The following TRARG1 variants were observed in gnomAD, a reference collection of about 807,000 sequenced individuals.
TRARG1 encodes trafficking regulator of GLUT4 (SLC2A4) 1 (gene/pseudogene), also known as trafficking regulator of GLUT4 1.
A neutral mutation model predicts 13.3 loss-of-function variants in TRARG1; 16 were observed. The observed-to-expected ratio is 1.20, with a 90% CI of 0.81 to 1.83. TRARG1 has a LOEUF of 1.83. Among genes scored for constraint, TRARG1 ranks in the 40% most tolerant of loss-of-function variants. The pLI, the probability that TRARG1 is intolerant of heterozygous loss-of-function variation, is 0.00. For synonymous variants in TRARG1, 113 were observed against 106.2 expected, an observed-to-expected ratio of 1.06 and a Z score of -0.39; for missense variants, 250 against 237.4, an observed-to-expected ratio of 1.05 and a Z score of -0.35.
chr17:1,288,116 C>G (rs1220630064), intron 1 of TRARG1, among the ~76,000 whole-genome samples: 2 of 151,994 alleles, frequency 1.3e-5, no homozygotes, highest in South Asian at 2.1e-4. Flanking sequence ...CTCTTCCTCT[C>G]CCGTCTGGAA....
intron 1 of TRARG1, among the ~76,000 whole-genome samples, chr17:1,289,621 A>C (rs1598192326): frequency 6.5e-4 from 87 of 133,116 alleles, no homozygotes; most frequent in African/African-American, 1.7e-3. Context: ...ACCCTCTCCC[A>C]CTCCTCCTCA....
chr17:1,281,577 T>C (rs572209715), intron 1 of TRARG1, among the ~76,000 whole-genome samples: 342 of 152,232 alleles, frequency 2.2e-3, no homozygotes, highest in African/African-American at 7.6e-3. Flanking sequence ...TTCCTGAGTC[T>C]GAGGGACTTG....
chr17:1,282,053 T>G (rs1380506120), intron 1 of TRARG1, among the ~76,000 whole-genome samples: 1 of 133,822 alleles, frequency 7.5e-6, no homozygotes, highest in Non-Finnish European at 1.6e-5. Context: ...TATGTACACA[T>G]ATGTACATGT....
chr17:1,292,830 G>T (rs1364935512), intron 1 of TRARG1, among the ~76,000 whole-genome samples: 1 of 152,182 alleles, frequency 6.6e-6, no homozygotes, highest in Non-Finnish European at 1.5e-5. Context: ...TGATCACAAA[G>T]GAGGCCAGTG....
At position 1,295,587 on chromosome 17, in the gene TRARG1, G is replaced by A. The variant is rs200766728; in HGVS notation, c.484G>A (p.Val162Ile). Residue 162 changes from valine (V) to isoleucine (I), a missense_variant, in exon 2 of 3, where the codon GTC becomes ATC. By Grantham distance (29) the Val-to-Ile change is conservative. Transcript: ENST00000333813. ...LSITLIIMGI[V>I]IIMVAVTVNF... ...CATTACCCTCATCATCATGGGCATC[G>A]TCATTATCATGGTGGCCGTGACCGT... is the stretch of plus-strand genomic sequence containing the variant. 5.2e-5 allele frequency: 84 copies of A among 1,613,056 alleles called. No homozygotes were observed. Among genetic ancestry groups the A allele is most frequent in the Middle Eastern group, 1.7e-4 (1 of 6,058 alleles).
chr17:1,282,243 C>CACGT (rs2071984982), intron 1 of TRARG1, among the ~76,000 whole-genome samples: 1 of 93,266 alleles, frequency 1.1e-5, no homozygotes, highest in Non-Finnish European at 2.1e-5. Flanking sequence ...TACGTATATG[C>CACGT]ACGTATATGT....
intron 1 of TRARG1, among the ~76,000 whole-genome samples, chr17:1,284,397 G>T (rs1313680377): frequency 2.6e-5 from 4 of 152,210 alleles, no homozygotes; most frequent in Non-Finnish European, 4.4e-5. Flanking sequence ...AGTGTGGTTG[G>T]ATCTCCATTT....
At chr17:1,294,142 C>T (rs1025357120) in intron 1 of TRARG1, among the ~76,000 whole-genome samples, 1 of 152,082 alleles carries the variant, frequency 6.6e-6, no homozygotes, top group Non-Finnish European at 1.5e-5. Flanking sequence ...AGGACTCCTG[C>T]GTGTGCCTGT....
intron 1 of TRARG1, among the ~76,000 whole-genome samples, chr17:1,284,577 CCATTCATTCATTCAGTCGACTTGAA>C (rs2072007127): frequency 6.6e-6 from 1 of 152,200 alleles, no homozygotes; most frequent in African/African-American, 2.4e-5. Context: ...GTTGTACCGA[CCATTCATTCATTCAGTCGACTTGAA>C]CAGCAAGTTG....
At chr17:1,297,428 C>A (rs576691428) in intron 2 of TRARG1, among the ~76,000 whole-genome samples, 1 of 152,128 alleles carries the variant, frequency 6.6e-6, no homozygotes, top group South Asian at 2.1e-4. Flanking sequence ...CACACTTTCT[C>A]ACTGTGTGAA....
rs2071958321 is a variant in TRARG1 at position 1,279,873 on chromosome 17, C to T, written c.-129C>T. 2.7e-6 allele frequency: 3 copies of T among 1,107,926 alleles called. No homozygotes were observed. The highest frequency in any genetic ancestry group is 3.8e-6 in the Non-Finnish European group (3 of 798,874). The allele number at this position is 1,107,926 out of a possible 1,614,324, so 68.6% of individuals were successfully genotyped here. On this transcript the variant is annotated 5_prime_UTR_variant, in exon 1 of 3. Transcript: ENST00000333813. ...CCCTTCCAGCACCCAGCCGGCCCTC[C>T]GTCTCCTGAGGGACGCCCCTGCCCC...
rs1278074056 is a variant in TRARG1 at position 1,292,441 on chromosome 17, G to C, written c.388-3050G>C. Reference sequence around the variant, plus strand: ...CTGGGCCCCGCTGCTCATGGTATAAGGACCACCCTCCTTCTGGTGCTGCTC... The same window carrying C: ...CTGGGCCCCGCTGCTCATGGTATAACGACCACCCTCCTTCTGGTGCTGCTC... On this transcript the variant is annotated intron_variant, in intron 1 of 2. Transcript: ENST00000333813. 4.6e-5 allele frequency among the ~76,000 whole-genome samples: 7 copies of C among 152,112 alleles called. No individual in the cohort carries two copies. In the East Asian group the frequency reaches 1.4e-3, roughly 29 times the overall value.
chr17:1,282,203 C>CGTATATGTACGTATACACGTGG (rs1598187574), intron 1 of TRARG1, among the ~76,000 whole-genome samples: 8 of 135,080 alleles, frequency 5.9e-5, no homozygotes, highest in South Asian at 2.2e-4. Flanking sequence ...TGTACACGTG[C>CGTATATGTACGTATACACGTGG]GTATATGTAC....
chr17:1,280,427 C>G, intron 1 of TRARG1, 39 bp downstream of exon 1: 2 of 1,523,168 alleles, frequency 1.3e-6, no homozygotes, highest in Non-Finnish European at 1.8e-6. Flanking sequence ...GGGGCTGGGC[C>G]CAGGGGTCGG....
At chr17:1,297,595 T>C (rs1000975042) in intron 2 of TRARG1, among the ~76,000 whole-genome samples, 2 of 74,704 alleles carry the variant, frequency 2.7e-5, no homozygotes, top group African/African-American at 7.3e-5. Context: ...GCCAGGACTT[T>C]TTTTTTTTTT....
chr17:1,280,735 G>A (rs1179934234), intron 1 of TRARG1, among the ~76,000 whole-genome samples: 3 of 152,180 alleles, frequency 2.0e-5, no homozygotes, highest in African/African-American at 7.2e-5. Flanking sequence ...AGGGACGGGC[G>A]GTCCCAAAGG....
rs80256951 is a variant in TRARG1, at chr17:1,295,415, G to A, written c.388-76G>A. ...GAGGCCCAGGCTCAGGGCCACCCCA[G>A]GGCTGCCTGCTGAGGCCCATGAAGC... On this transcript the variant is annotated intron_variant, in intron 1 of 2. Coordinates refer to ENST00000333813, the MANE Select transcript of TRARG1 (RefSeq NM_172367.3). The A allele has an allele frequency of 2.1e-4, 322 of 1,517,974 alleles. No homozygotes were observed. In the African/African-American group the frequency reaches 4.2e-3, roughly 20 times the overall value. 94.0% of individuals were successfully genotyped at this position (1,517,974 alleles called of 1,614,324 possible). A position where few individuals can be genotyped will look rare whatever the true frequency, so the allele number is the denominator to read the frequency against.
At chr17:1,291,798 G>C (rs1222215583) in intron 1 of TRARG1, among the ~76,000 whole-genome samples, 1 of 152,174 alleles carries the variant, frequency 6.6e-6, no homozygotes, top group Non-Finnish European at 1.5e-5. Flanking sequence ...GAGGGATTTG[G>C]ACATATGGTG....
chr17:1,280,530 A>C, intron 1 of TRARG1, 142 bp downstream of exon 1: 2 of 937,904 alleles, frequency 2.1e-6, no homozygotes, highest in Non-Finnish European at 3.1e-6. Context: ...TCCTTTCCTC[A>C]CTGGCCTCCT....
Sources: allele counts gnomAD v4.1 joint callset (sites outside exome capture counted in the v4.1 genomes callset), GRCh38; gene constraint gnomAD v4.1.1; transcripts MANE v1.5; gene names NCBI Gene and HGNC (gene_info 2026-07-23, HGNC 2026-07-21).